MYCBP2: variants seen among roughly 807,000 people sequenced by gnomAD.
The protein encoded by MYCBP2 is MYC binding protein 2, also known as E3 ubiquitin-protein ligase MYCBP2.
MYCBP2 carries 120 observed loss-of-function variants against 525.3 expected under a neutral mutation model. The ratio of observed to expected loss-of-function variants is 0.23; its 90% confidence interval spans 0.20 to 0.27. The LOEUF (loss-of-function observed/expected upper bound fraction) is 0.27, where lower values mean the gene tolerates loss of function less well. Among genes scored for constraint, MYCBP2 ranks in the 10% least tolerant of loss-of-function variants. The probability of loss-of-function intolerance (pLI) is 1.00; values close to 1 mark genes in which losing one functional copy is unlikely to be tolerated. For synonymous variants in MYCBP2, 1,894 were observed against 1,955.8 expected, an observed-to-expected ratio of 0.97 and a Z score of 0.83; for missense variants, 4,149 against 5,657.1, an observed-to-expected ratio of 0.73 and a Z score of 8.55.
At position 77,059,629 on chromosome 13, in the gene MYCBP2, A is replaced by G. The variant is rs749957685; in HGVS notation, c.13037-3T>C. 3 of 1,608,918 alleles carry G rather than the reference A, an allele frequency of 1.9e-6. No homozygotes were observed. The highest frequency in any genetic ancestry group is 1.1e-5 in the South Asian group (1 of 90,988). ...TGAGCTACTCGTGGTGGGTTTGCCT[A>G]GGTTCAAGCAGAAAAATAAAAATCC... On this transcript the variant is annotated splice_polypyrimidine_tract_variant and splice_region_variant and intron_variant, in intron 76 of 82. Coordinates refer to ENST00000544440, the MANE Select transcript of MYCBP2 (RefSeq NM_015057.5).
chr13:77,057,834 CTTTTT>C (rs11419165), intron 78 of MYCBP2, among the ~76,000 whole-genome samples: 1 of 121,110 alleles, frequency 8.3e-6, no homozygotes. Flanking sequence ...CAATCAACTG[CTTTTT>C]TTTTTTTTTT....
chr13:77,276,384 A>T (rs2075589872), intron 4 of MYCBP2, among the ~76,000 whole-genome samples: 1 of 152,140 alleles, frequency 6.6e-6, no homozygotes, highest in African/African-American at 2.4e-5. Context: ...ATATTAGATT[A>T]AAAAAAGGAG....
At chr13:77,142,924 T>C (rs1226354932) in intron 49 of MYCBP2, among the ~76,000 whole-genome samples, 1 of 152,180 alleles carries the variant, frequency 6.6e-6, no homozygotes, top group East Asian at 1.9e-4. Context: ...CTAGAATACT[T>C]CTGGTGCCAA....
chr13:77,247,015 G>C (rs1259077423), intron 15 of MYCBP2, among the ~76,000 whole-genome samples: 4 of 152,082 alleles, frequency 2.6e-5, no homozygotes, highest in Non-Finnish European at 5.9e-5. Context: ...ACATCATAAT[G>C]GTGAGAGACT....
chr13:77,142,979 T>A (rs1032715093), intron 49 of MYCBP2, among the ~76,000 whole-genome samples: 2 of 152,170 alleles, frequency 1.3e-5, no homozygotes, highest in Non-Finnish European at 2.9e-5. Context: ...GTTTTCGAAA[T>A]TTATCTGATC....
intron 23 of MYCBP2, among the ~76,000 whole-genome samples, chr13:77,207,274 TAGAA>T (rs2063459310): frequency 6.6e-6 from 1 of 152,194 alleles, no homozygotes; most frequent in Admixed American, 6.5e-5. Flanking sequence ...ATGCTATCCA[TAGAA>T]AGGAAGCACA....
chr13:77,266,696 CATTATT>C (rs57489746), intron 8 of MYCBP2, among the ~76,000 whole-genome samples: 3 of 121,828 alleles, frequency 2.5e-5, no homozygotes, highest in East Asian at 2.6e-4. Context: ...ATATTATTGT[CATTATT>C]ATTATTATTA....
At chr13:77,056,962 C>G (rs757550704) in intron 79 of MYCBP2, 24 bp downstream of exon 79, 1 of 1,504,650 alleles carries the variant, frequency 6.6e-7, no homozygotes, top group Non-Finnish European at 9.2e-7. Flanking sequence ...AAAGAAAGTA[C>G]ATGATTTCAG....
At chr13:77,150,639 C>A (rs1394603997) in intron 47 of MYCBP2, 95 bp downstream of exon 47, 13 of 977,610 alleles carry the variant, frequency 1.3e-5, no homozygotes, top group Non-Finnish European at 2.0e-5. Flanking sequence ...GCTCTTTGGA[C>A]TTACAATTTC....
intron 56 of MYCBP2, among the ~76,000 whole-genome samples, chr13:77,096,685 T>C (rs2046305420): frequency 6.6e-6 from 1 of 152,052 alleles, no homozygotes; most frequent in Non-Finnish European, 1.5e-5. Flanking sequence ...GCCCCAAATA[T>C]GAGAGATACT....
intron 73 of MYCBP2, among the ~76,000 whole-genome samples, chr13:77,063,377 G>A (rs1332690526): frequency 6.6e-6 from 1 of 152,028 alleles, no homozygotes; most frequent in Admixed American, 6.6e-5. Flanking sequence ...GACTAACATG[G>A]TGAAACCCAG....
chr13:77,078,970 C>A (rs1249435244), intron 65 of MYCBP2, 81 bp from the exon 66 acceptor site: 5 of 1,127,356 alleles, frequency 4.4e-6, no homozygotes, highest in Non-Finnish European at 6.7e-6. Flanking sequence ...CCTACTAATA[C>A]CACATCAACT....
Position 77,190,326 on chromosome 13 carries a change from G to C in MYCBP2, c.4080C>G (p.Phe1360Leu). The part of the protein sequence containing the change: ...ASITTDDGVV[F>L]QFKSSKKSNN... Reference sequence around the variant, plus strand: ...TTGATTTCTTTGAACTCTTGAACTGGAAAACAACCCTAAGAAGAGAAAACA... The same window carrying C: ...TTGATTTCTTTGAACTCTTGAACTGCAAAACAACCCTAAGAAGAGAAAACA... The change falls in exon 29 of 83, where the codon TTC becomes TTG. Residue 1360 changes from phenylalanine (F) to leucine (L), a missense_variant. By Grantham distance (22) the Phe-to-Leu change is conservative. Coordinates refer to ENST00000544440, the MANE Select transcript of MYCBP2 (RefSeq NM_015057.5). 1 of 1,602,026 alleles carries C rather than the reference G, an allele frequency of 6.2e-7. No homozygotes were observed. Among genetic ancestry groups the C allele is most frequent in the Non-Finnish European group, 8.5e-7 (1 of 1,171,382 alleles).
rs60927409 is a variant in MYCBP2, at chr13:77,183,541, C to CTTTT, written c.4719+1558_4719+1561dup. On this transcript the variant is annotated intron_variant, in intron 32 of 82. Coordinates refer to ENST00000544440, the MANE Select transcript of MYCBP2 (RefSeq NM_015057.5). Reference sequence around the variant, plus strand: ...TTGTTTATAGTGATAGTCCCTATTTCTTTTTTTTTTTTTTTTTTTTTTTTT... The same window carrying CTTTT: ...TTGTTTATAGTGATAGTCCCTATTTCTTTTTTTTTTTTTTTTTTTTTTTTTTTTT... Among the ~76,000 whole-genome samples, 447 of 66,072 alleles carry CTTTT rather than the reference C, an allele frequency of 6.8e-3. 86 individuals are homozygous for CTTTT. The highest frequency in any genetic ancestry group is 8.2e-3 in the Non-Finnish European group (337 of 41,022). 43.3% of individuals were successfully genotyped at this position (66,072 alleles called of 152,430 possible).
intron 4 of MYCBP2, among the ~76,000 whole-genome samples, chr13:77,276,192 A>G (rs955824462): frequency 1.3e-5 from 2 of 152,352 alleles, no homozygotes; most frequent in East Asian, 1.9e-4. Flanking sequence ...ATATATGGAT[A>G]TAAGGAAATA....
intron 20 of MYCBP2, among the ~76,000 whole-genome samples, chr13:77,222,146 C>T (rs1216286233): frequency 6.6e-6 from 1 of 152,126 alleles, no homozygotes; most frequent in Non-Finnish European, 1.5e-5. Flanking sequence ...GTAATTACTA[C>T]CCAGATTCAG....
intron 80 of MYCBP2, 60 bp from the exon 81 acceptor site, chr13:77,051,978 A>G: frequency 8.0e-7 from 1 of 1,249,298 alleles, no homozygotes; most frequent in East Asian, 2.4e-5. Context: ...CATGGGAGAT[A>G]CAGTATGGGC....
intron 44 of MYCBP2, among the ~76,000 whole-genome samples, chr13:77,159,154 T>C (rs2057566469): frequency 6.6e-6 from 1 of 152,264 alleles, no homozygotes; most frequent in Non-Finnish European, 1.5e-5. Context: ...ATCCTGGCTT[T>C]GGACAAATTA....
intron 32 of MYCBP2, among the ~76,000 whole-genome samples, chr13:77,183,080 A>C (rs1442238986): frequency 6.6e-6 from 1 of 152,186 alleles, no homozygotes; most frequent in Non-Finnish European, 1.5e-5. Flanking sequence ...TCAATTATTT[A>C]ACTAAGTATT....
Sources: gnomAD v4.1 joint callset for allele counts (sites outside exome capture counted in the v4.1 genomes callset) on GRCh38, gnomAD v4.1.1 for gene constraint, MANE v1.5 for transcripts, NCBI Gene and HGNC (gene_info 2026-07-23, HGNC 2026-07-21) for gene names.